Variants in ERC2 observed in about 807,000 individuals in gnomAD.
ERC2 encodes the protein ERC protein 2.
A neutral mutation model predicts 114.8 loss-of-function variants in ERC2; 42 were observed. The observed-to-expected ratio is 0.37, with a 90% CI of 0.29 to 0.47. The LOEUF is 0.47. ERC2 is among the 20% of genes least tolerant of loss of function. ERC2 has a pLI of 0.99. For missense variants in ERC2, 939 were observed against 1,150.7 expected (o/e 0.82, Z 2.66); for synonymous variants, 454 against 425.5 (o/e 1.07, Z -0.82).
At chr3:55,784,729 A>C (rs565466177) in intron 14 of ERC2, among the ~76,000 whole-genome samples, 1 of 152,270 alleles carries the variant, frequency 6.6e-6, no homozygotes, top group South Asian at 2.1e-4. Flanking sequence ...TGAAATCTTA[A>C]TTTTCAAATT....
At chr3:56,098,384 T>C (rs1560169021) in intron 6 of ERC2, among the ~76,000 whole-genome samples, 2 of 152,308 alleles carry the variant, frequency 1.3e-5, no homozygotes, top group East Asian at 1.9e-4. Context: ...CCCTCCGAGA[T>C]TCTTCTTGCC....
intron 2 of ERC2, among the ~76,000 whole-genome samples, chr3:56,303,401 G>T (rs1576348086): frequency 6.6e-6 from 1 of 152,156 alleles, no homozygotes; most frequent in African/African-American, 2.4e-5. Context: ...AATGGAAGGG[G>T]AGATAAATAG....
intron 6 of ERC2, among the ~76,000 whole-genome samples, chr3:56,085,054 T>C (rs1284391929): frequency 6.6e-6 from 1 of 152,234 alleles, no homozygotes; most frequent in East Asian, 1.9e-4. Flanking sequence ...AGTTTCTCCA[T>C]CTATAAAACC....
intron 14 of ERC2, among the ~76,000 whole-genome samples, chr3:55,869,102 A>G (rs943112278): frequency 6.6e-6 from 1 of 152,188 alleles, no homozygotes; most frequent in Non-Finnish European, 1.5e-5. Flanking sequence ...CAGTTGACCA[A>G]TGTGAATGTA....
At chr3:55,559,337 G>C (rs2055844381) in intron 17 of ERC2, among the ~76,000 whole-genome samples, 1 of 152,250 alleles carries the variant, frequency 6.6e-6, no homozygotes, top group Non-Finnish European at 1.5e-5. Flanking sequence ...GTGGTGAAGA[G>C]TAGTGTGTGC....
At chr3:56,394,677 A>AC (rs1422983451) in intron 2 of ERC2, among the ~76,000 whole-genome samples, 1 of 152,058 alleles carries the variant, frequency 6.6e-6, no homozygotes, top group Non-Finnish European at 1.5e-5. Context: ...ACCACTTAAT[A>AC]CCCCCTAGTA....
intron 17 of ERC2, among the ~76,000 whole-genome samples, chr3:55,563,345 T>C (rs2056160991): frequency 6.7e-6 from 1 of 150,256 alleles, no homozygotes; most frequent in Non-Finnish European, 1.5e-5. Context: ...TTTTTTTTTT[T>C]TACTTCAAGG....
intron 6 of ERC2, among the ~76,000 whole-genome samples, chr3:56,130,492 C>T (rs922143826): frequency 4.6e-5 from 7 of 152,130 alleles, no homozygotes; most frequent in African/African-American, 1.4e-4. Context: ...AAACTGAACA[C>T]CTGTGTTTAT....
intron 5 of ERC2, among the ~76,000 whole-genome samples, chr3:56,143,227 A>T (rs915253511): frequency 6.6e-6 from 1 of 152,114 alleles, no homozygotes; most frequent in African/African-American, 2.4e-5. Flanking sequence ...CCCTCATCTT[A>T]AGTAGGCCCA....
chr3:55,859,499 C>G (rs567105043), intron 14 of ERC2, among the ~76,000 whole-genome samples: 3 of 152,020 alleles, frequency 2.0e-5, no homozygotes. Flanking sequence ...TACCAGCCAG[C>G]CTGGCCAGGC....
chr3:55,975,158 G>C (rs1345104554), intron 12 of ERC2, among the ~76,000 whole-genome samples: 1 of 151,736 alleles, frequency 6.6e-6, no homozygotes, highest in East Asian at 1.9e-4. Flanking sequence ...AAATGGGACT[G>C]AGTAATAGCA....
intron 17 of ERC2, among the ~76,000 whole-genome samples, chr3:55,677,090 T>G (rs1417547576): frequency 6.6e-6 from 1 of 152,248 alleles, no homozygotes; most frequent in African/African-American, 2.4e-5. Flanking sequence ...AGAGGTGGAC[T>G]GAGACATTAT....
intron 2 of ERC2, among the ~76,000 whole-genome samples, chr3:56,396,152 A>G (rs1298689722): frequency 1.3e-5 from 2 of 152,242 alleles, no homozygotes; most frequent in African/African-American, 4.8e-5. Context: ...ATAGCTATTA[A>G]AAATTTTCAT....
At chr3:55,874,209 C>T (rs1416726678) in intron 14 of ERC2, among the ~76,000 whole-genome samples, 1 of 152,190 alleles carries the variant, frequency 6.6e-6, no homozygotes, top group Non-Finnish European at 1.5e-5. Flanking sequence ...TGGCCAGGGA[C>T]TCCTAGAATG....
chr3:55,784,430 G>A (rs1348944252), intron 14 of ERC2, among the ~76,000 whole-genome samples: 2 of 152,134 alleles, frequency 1.3e-5, no homozygotes, highest in Non-Finnish European at 2.9e-5. Flanking sequence ...CAATTTAGGG[G>A]ACTGTGTAAA....
At chr3:55,908,073 C>T (rs571923126) in intron 13 of ERC2, among the ~76,000 whole-genome samples, 6 of 152,074 alleles carry the variant, frequency 3.9e-5, no homozygotes, top group African/African-American at 7.2e-5. Flanking sequence ...GCTGGTAGGG[C>T]GAAGCAGTTA....
intron 1 of ERC2, among the ~76,000 whole-genome samples, chr3:56,439,068 T>C (rs952067617): frequency 6.6e-6 from 1 of 152,338 alleles, no homozygotes; most frequent in Non-Finnish European, 1.5e-5. Context: ...TGAGAAGCTT[T>C]CCATTTTTCA....
At chr3:55,803,255 A>T (rs2059371842) in intron 14 of ERC2, among the ~76,000 whole-genome samples, 2 of 152,256 alleles carry the variant, frequency 1.3e-5, no homozygotes, top group Middle Eastern at 3.2e-3. Context: ...AAATTACATA[A>T]TTAAAATTTT....
chr3:55,612,932 TC>T (rs890500494), intron 17 of ERC2: 2 of 152,202 alleles, frequency 1.3e-5, no homozygotes, highest in Non-Finnish European at 2.9e-5. Flanking sequence ...TTCATTTTTC[TC>T]CCTTCCAAGA....
Sources: gnomAD v4.1 joint callset for allele counts (sites outside exome capture counted in the v4.1 genomes callset) on GRCh38, gnomAD v4.1.1 for gene constraint, MANE v1.5 for transcripts, NCBI Gene and HGNC (gene_info 2026-07-23, HGNC 2026-07-21) for gene names.